Variants in NDUFAF5 observed in about 807,000 individuals in gnomAD.
NDUFAF5 encodes arginine-hydroxylase NDUFAF5, mitochondrial.
In NDUFAF5, 34 loss-of-function variants were observed where a neutral mutation model predicts 48.9. The ratio of observed to expected loss-of-function variants is 0.70; its 90% CI spans 0.53 to 0.93. The LOEUF is 0.93. Among genes scored for constraint, NDUFAF5 ranks in the 40% least tolerant of loss-of-function variants. The pLI is 0.00. For missense variants in NDUFAF5, 428 were observed against 427.5 expected (o/e 1.00, Z -0.01); for synonymous variants, 153 against 150.6 (o/e 1.02, Z -0.12).
At chr20:13,790,979 TA>T (rs1176300408) in intron 3 of NDUFAF5, among the ~76,000 whole-genome samples, 5 of 152,374 alleles carry the variant, frequency 3.3e-5, no homozygotes, top group Non-Finnish European at 7.3e-5. Context: ...TTTCTTCTCT[TA>T]CTGGATTTGC....
At chr20:13,811,652 G>A (rs1985878924) in intron 8 of NDUFAF5, among the ~76,000 whole-genome samples, 1 of 152,164 alleles carries the variant, frequency 6.6e-6, no homozygotes, top group African/African-American at 2.4e-5. Flanking sequence ...GCTTCAAGGA[G>A]TAAGAAGGAT....
In NDUFAF5 at chr20:13,816,445, C is replaced by T. The variant is rs1216970187; in HGVS notation, c.779-18C>T. On this transcript the variant is annotated intron_variant, in intron 8 of 10. Coordinates refer to ENST00000378106, the MANE Select transcript of NDUFAF5 (RefSeq NM_024120.5). The stretch of plus-strand genomic sequence containing the variant: ...GTGTTTGCTGTATTATCTCAAACTA[C>T]CTGTAGTGTATTTGTAGGTATGGGT... The T allele has an allele frequency of 1.9e-6, 3 of 1,588,222 alleles. No individual in the cohort carries two copies. The South Asian group carries it at 3.3e-5, about 18-fold the overall frequency.
intron 7 of NDUFAF5, among the ~76,000 whole-genome samples, chr20:13,802,026 G>C (rs7272332): frequency 0.012 from 1,819 of 152,122 alleles, 41 homozygotes; most frequent in African/African-American, 0.042. Context: ...CAGATGATAG[G>C]AAGAAAAGGG....
intron 1 of NDUFAF5, among the ~76,000 whole-genome samples, chr20:13,786,904 T>C (rs935642384): frequency 6.6e-6 from 1 of 152,228 alleles, no homozygotes; most frequent in Admixed American, 6.5e-5. Context: ...TTTTCTTAAG[T>C]GACCACTTAC....
chr20:13,800,357 TGA>T, intron 6 of NDUFAF5, among the ~76,000 whole-genome samples: 1 of 152,358 alleles, frequency 6.6e-6, no homozygotes, highest in East Asian at 1.9e-4. Context: ...AATTGCTTCA[TGA>T]CATATTAAAT....
chr20:13,806,973 C>T (rs1280947539), intron 7 of NDUFAF5, among the ~76,000 whole-genome samples: 32 of 152,174 alleles, frequency 2.1e-4, no homozygotes. Flanking sequence ...CCTCTGCCTC[C>T]CAGGTTCAAG....
Position 13,818,294 on chromosome 20 carries a change from A to G in NDUFAF5, c.*1084A>G, listed in dbSNP as rs368538107. On this transcript the variant is annotated 3_prime_UTR_variant, in exon 11 of 11. Coordinates refer to ENST00000378106, the MANE Select transcript of NDUFAF5 (RefSeq NM_024120.5). ...CCCTTTGAAAGACTAAGTTATAGTT[A>G]AAAACCAAGATTTGTAGGAGAAAAA... is the stretch of plus-strand genomic sequence containing the variant. 19 of 441,818 alleles carry G rather than the reference A, an allele frequency of 4.3e-5. No homozygotes were observed. In the East Asian group the frequency reaches 6.3e-4, roughly 15 times the overall value. 27.4% of individuals were successfully genotyped at this position (441,818 alleles called of 1,614,324 possible).
intron 1 of NDUFAF5, 33 bp downstream of exon 1, chr20:13,785,323 G>A: frequency 2.6e-6 from 4 of 1,553,850 alleles, no homozygotes; most frequent in Non-Finnish European, 2.6e-6. Flanking sequence ...CGGCGGGGCG[G>A]GCGACGCGGA....
intron 6 of NDUFAF5, 72 bp from the exon 7 acceptor site, chr20:13,801,414 A>C: frequency 1.1e-6 from 1 of 925,674 alleles, no homozygotes; most frequent in Non-Finnish European, 1.6e-6. Context: ...TAATTTAGAC[A>C]CTATATATTT....
At chr20:13,794,499 C>T (rs1982857584) in intron 4 of NDUFAF5, among the ~76,000 whole-genome samples, 1 of 152,264 alleles carries the variant, frequency 6.6e-6, no homozygotes, top group East Asian at 1.9e-4. Flanking sequence ...AGGCTGGTCT[C>T]GAACTCCTGA....
chr20:13,788,321 T>C (rs1481841424), intron 2 of NDUFAF5, among the ~76,000 whole-genome samples: 1 of 152,226 alleles, frequency 6.6e-6, no homozygotes, highest in Non-Finnish European at 1.5e-5. Flanking sequence ...AGTTAAAATA[T>C]CCTCATTAAA....
chr20:13,803,745 C>T (rs1984562232), intron 7 of NDUFAF5, among the ~76,000 whole-genome samples: 1 of 152,068 alleles, frequency 6.6e-6, no homozygotes, highest in Admixed American at 6.5e-5. Context: ...TACTTGTTAA[C>T]ATAAATGACC....
chr20:13,791,384 G>T (rs1436957225), intron 3 of NDUFAF5, among the ~76,000 whole-genome samples: 1 of 152,156 alleles, frequency 6.6e-6, no homozygotes, highest in Non-Finnish European at 1.5e-5. Context: ...GTTGGTAAGG[G>T]GATTAAGTGA....
intron 3 of NDUFAF5, among the ~76,000 whole-genome samples, chr20:13,792,345 GCCAGAGTAGAAGCTTCTGAAGAAGCTT>G (rs1311990683): frequency 6.6e-6 from 1 of 152,208 alleles, no homozygotes; most frequent in Non-Finnish European, 1.5e-5. Flanking sequence ...GAGAAGGGCA[GCCAGAGTAGAAGCTTCTGAAGAAGCTT>G]CTAGTAGGCT....
chr20:13,810,224 G>C (rs1032496155), intron 8 of NDUFAF5, among the ~76,000 whole-genome samples: 1 of 152,168 alleles, frequency 6.6e-6, no homozygotes, highest in Non-Finnish European at 1.5e-5. Flanking sequence ...GGTAGTCGAC[G>C]TCTGAGCCTA....
rs1459348431 is a variant in NDUFAF5, at chr20:13,820,337, CTT to C, written c.*3130_*3131del. 6.6e-6 allele frequency: 1 copy of C among 152,056 alleles called. No individual in the cohort carries two copies. The highest frequency in any genetic ancestry group is 1.5e-5 in the Non-Finnish European group (1 of 68,016). The allele number at this position is 152,056 out of a possible 1,614,324, so 9.4% of individuals were successfully genotyped here. ...GGAAGTTTATATATTTTTTCAAACT[CTT>C]TTAGTACCATTTTCATCCACTAGGT... On this transcript the variant is annotated 3_prime_UTR_variant, in exon 11 of 11. Transcript: ENST00000378106.
chr20:13,786,573 C>T lies in NDUFAF5; in HGVS notation c.223-739C>T, dbSNP rs188229989. ...GGTGGACTCCTGGGAAAAACATCTACGCTCCCTTCTCCCTTGCCCTTCTCT... is the reference window on the plus strand; with the variant it reads ...GGTGGACTCCTGGGAAAAACATCTATGCTCCCTTCTCCCTTGCCCTTCTCT... On this transcript the variant is annotated intron_variant, in intron 1 of 10. Transcript: ENST00000378106. Among the ~76,000 whole-genome samples, 19 of 152,260 alleles carry T rather than the reference C, an allele frequency of 1.2e-4. No homozygotes were observed. In the East Asian group the frequency reaches 2.3e-3, roughly 19 times the overall value.
chr20:13,819,438 G>A lies in NDUFAF5; in HGVS notation c.*2228G>A, dbSNP rs1320098306. ...GGCTGGAGTACAGTGGCGCAATCTCGGCTCACTGCTGCCTCCGCTTCCTGG... is the reference window on the plus strand; with the variant it reads ...GGCTGGAGTACAGTGGCGCAATCTCAGCTCACTGCTGCCTCCGCTTCCTGG... On this transcript the variant is annotated 3_prime_UTR_variant, in exon 11 of 11. Coordinates refer to ENST00000378106, the MANE Select transcript of NDUFAF5 (RefSeq NM_024120.5). The A allele has an allele frequency of 6.6e-6, 1 of 151,972 alleles. No homozygotes were observed. Among genetic ancestry groups the A allele is most frequent in the Non-Finnish European group, 1.5e-5 (1 of 68,002 alleles). 9.4% of individuals were successfully genotyped at this position (151,972 alleles called of 1,614,324 possible).
chr20:13,816,834 A>G, intron 9 of NDUFAF5, 41 bp from the exon 10 acceptor site: 1 of 1,378,112 alleles, frequency 7.3e-7, no homozygotes, highest in Non-Finnish European at 1.0e-6. Context: ...ATTTTTTCCT[A>G]CTTGCATTTT....
Sources: allele counts gnomAD v4.1 joint callset (sites outside exome capture counted in the v4.1 genomes callset), GRCh38; gene constraint gnomAD v4.1.1; transcripts MANE v1.5; gene names NCBI Gene and HGNC (gene_info 2026-07-23, HGNC 2026-07-21).